TLK1: variants seen among roughly 807,000 people sequenced by gnomAD.
The protein encoded by TLK1 is serine/threonine-protein kinase tousled-like 1.
TLK1 carries 24 observed loss-of-function variants against 105.3 expected under a neutral mutation model. The ratio of observed to expected loss-of-function variants is 0.23; its 90% CI spans 0.17 to 0.32. The LOEUF is 0.32. Among genes scored for constraint, TLK1 ranks in the 10% least tolerant of loss-of-function variants. The pLI is 1.00. For missense variants in TLK1, 558 were observed against 910.5 expected (o/e 0.61, Z 4.98); for synonymous variants, 321 against 310.4 (o/e 1.03, Z -0.36).
At chr2:171,069,891 T>C (rs751131473) in intron 3 of TLK1, among the ~76,000 whole-genome samples, 1 of 152,234 alleles carries the variant, frequency 6.6e-6, no homozygotes, top group Non-Finnish European at 1.5e-5. Flanking sequence ...GTCCTTCAAT[T>C]TTTAAAGTTA....
At chr2:171,099,315 CTT>C (rs1439559022) in intron 2 of TLK1, among the ~76,000 whole-genome samples, 1 of 152,004 alleles carries the variant, frequency 6.6e-6, no homozygotes, top group African/African-American at 2.4e-5. Flanking sequence ...AAATGCAAGA[CTT>C]ATACAGTATA....
At chr2:171,036,638 T>C (rs139765683) in intron 11 of TLK1, among the ~76,000 whole-genome samples, 106 of 152,368 alleles carry the variant, frequency 7.0e-4, no homozygotes, top group African/African-American at 2.4e-3. Context: ...TGTCATCAGA[T>C]ACCTGGTTCC....
intron 1 of TLK1, among the ~76,000 whole-genome samples, chr2:171,156,902 C>A (rs950764335): frequency 7.2e-5 from 11 of 152,128 alleles, no homozygotes; most frequent in Non-Finnish European, 1.5e-4. Flanking sequence ...GCTATCTAGG[C>A]TTACCGCAGC....
intron 2 of TLK1, among the ~76,000 whole-genome samples, chr2:171,116,122 G>GT (rs1690414808): frequency 1.3e-5 from 2 of 152,118 alleles, no homozygotes; most frequent in Admixed American, 1.3e-4. Flanking sequence ...GATACAAACC[G>GT]TAAGGCAAAA....
At chr2:171,091,793 G>A (rs1476646997) in intron 2 of TLK1, 1 of 152,264 alleles carries the variant, frequency 6.6e-6, no homozygotes, top group Non-Finnish European at 1.5e-5. Flanking sequence ...CTCCCAGGCT[G>A]GAGTGCAGTG....
chr2:171,009,291 CTTTTTTTTTTTTT>C (rs71008743), intron 14 of TLK1, among the ~76,000 whole-genome samples: 2 of 74,832 alleles, frequency 2.7e-5, no homozygotes, highest in South Asian at 7.2e-4. Context: ...ATTTCTTTTC[CTTTTTTTTTTTTT>C]TTTTTTTTTT....
chr2:171,046,626 CTCTT>C (rs894037935), intron 10 of TLK1, among the ~76,000 whole-genome samples: 11 of 152,140 alleles, frequency 7.2e-5, no homozygotes, highest in Non-Finnish European at 1.6e-4. Flanking sequence ...CCCCACCTCA[CTCTT>C]TCTAATAAAT....
At chr2:171,229,303 A>T (rs1693951248) in intron 1 of TLK1, among the ~76,000 whole-genome samples, 2 of 152,200 alleles carry the variant, frequency 1.3e-5, no homozygotes, top group African/African-American at 4.8e-5. Context: ...CTCAACATTC[A>T]GTGCCAGTCT....
chr2:171,006,122 C>A, intron 18 of TLK1, 25 bp downstream of exon 18: 1 of 1,529,272 alleles, frequency 6.5e-7, no homozygotes, highest in Non-Finnish European at 8.7e-7. Context: ...TCTAGACATT[C>A]TGATGTTTTT....
upstream of TLK1, among the ~76,000 whole-genome samples, chr2:171,161,860 TAA>T (rs3834147): frequency 0.16 from 23,803 of 152,078 alleles, 2,496 homozygotes; most frequent in East Asian, 0.3. Context: ...TTCTTGTACA[TAA>T]AAGAGCACTC....
chr2:171,108,281 G>T (rs1403814893), intron 2 of TLK1, among the ~76,000 whole-genome samples: 1 of 152,020 alleles, frequency 6.6e-6, no homozygotes, highest in Admixed American at 6.6e-5. Flanking sequence ...AATTTTAAGG[G>T]GAACAAACCC....
At chr2:171,141,555 A>G (rs1353639877) in intron 1 of TLK1, among the ~76,000 whole-genome samples, 3 of 150,266 alleles carry the variant, frequency 2.0e-5, no homozygotes, top group Admixed American at 2.0e-4. Context: ...AACAAAAACA[A>G]AAAGTGACCA....
chr2:170,996,834 C>A, intron 19 of TLK1, 74 bp from the exon 20 acceptor site: 1 of 1,299,356 alleles, frequency 7.7e-7, no homozygotes, highest in Non-Finnish European at 1.1e-6. Context: ...TCTGTTTAAG[C>A]GAATTCCCAA....
intron 3 of TLK1, among the ~76,000 whole-genome samples, chr2:171,064,511 G>C (rs1321724162): frequency 6.6e-6 from 1 of 152,150 alleles, no homozygotes; most frequent in African/African-American, 2.4e-5. Context: ...ATTTTATATA[G>C]AACATTTTCA....
intron 1 of TLK1, among the ~76,000 whole-genome samples, chr2:171,187,129 C>T (rs949447816): frequency 1.4e-5 from 2 of 147,856 alleles, no homozygotes; most frequent in Admixed American, 1.3e-4. Context: ...TAAATCCAGG[C>T]ACTTCTTTTT....
At chr2:171,074,826 A>T (rs192296776) in intron 3 of TLK1, among the ~76,000 whole-genome samples, 1 of 152,064 alleles carries the variant, frequency 6.6e-6, no homozygotes, top group Non-Finnish European at 1.5e-5. Context: ...GCAAGATAGA[A>T]TATGTCTTAA....
chr2:171,104,502 T>G (rs975636383), intron 2 of TLK1, among the ~76,000 whole-genome samples: 5 of 152,142 alleles, frequency 3.3e-5, no homozygotes, highest in African/African-American at 1.2e-4. Flanking sequence ...ACAGATTCAA[T>G]GCAATTCCTA....
At chr2:171,091,135 C>T (rs927180080) in intron 2 of TLK1, among the ~76,000 whole-genome samples, 3 of 152,300 alleles carry the variant, frequency 2.0e-5, no homozygotes, top group South Asian at 4.1e-4. Context: ...TGCTTTAGTA[C>T]TAAAATGGCA....
At chr2:171,161,815 G>A (rs2105617656), upstream of TLK1, among the ~76,000 whole-genome samples, 1 of 152,184 alleles carries the variant, frequency 6.6e-6, no homozygotes, top group East Asian at 1.9e-4. Context: ...GCTTTCTACA[G>A]ACCCACACAA....
Sources: gnomAD v4.1 joint callset for allele counts (sites outside exome capture counted in the v4.1 genomes callset) on GRCh38, gnomAD v4.1.1 for gene constraint, MANE v1.5 for transcripts, NCBI Gene and HGNC (gene_info 2026-07-23, HGNC 2026-07-21) for gene names.